SLC22A15: variants seen among roughly 807,000 people sequenced by gnomAD.
The protein encoded by SLC22A15 is solute carrier family 22 member 15.
In SLC22A15, 45 loss-of-function variants were observed where a neutral mutation model predicts 62.7. That is an observed-to-expected ratio of 0.72 (90% CI 0.56 to 0.92). The LOEUF is 0.92. Ranked by LOEUF, SLC22A15 falls within the 40% of genes least tolerant of loss-of-function variation. The probability of loss-of-function intolerance (pLI) is 0.00; values close to 1 mark genes in which losing one functional copy is unlikely to be tolerated. For missense variants in SLC22A15, 622 were observed against 665.6 expected, an observed-to-expected ratio of 0.93 and a Z score of 0.72; for synonymous variants, 264 against 267.0, an observed-to-expected ratio of 0.99 and a Z score of 0.11.
chr1:116,066,233 C>G (rs1265108014), intron 10 of SLC22A15, among the ~76,000 whole-genome samples: 2 of 152,188 alleles, frequency 1.3e-5, no homozygotes, highest in Non-Finnish European at 2.9e-5. Context: ...GGCAGCCTGG[C>G]CTCTTCTCCT....
chr1:116,049,153 G>A (rs1282793249), intron 8 of SLC22A15, among the ~76,000 whole-genome samples: 1 of 152,046 alleles, frequency 6.6e-6, no homozygotes, highest in African/African-American at 2.4e-5. Flanking sequence ...ATAATAATGG[G>A]GGACTTTCAG....
chr1:115,987,269 C>A (rs1226938049), intron 1 of SLC22A15, among the ~76,000 whole-genome samples: 3 of 151,560 alleles, frequency 2.0e-5, no homozygotes, highest in Non-Finnish European at 4.4e-5. Context: ...GGGTTCACGC[C>A]ATTCTCCTGC....
chr1:115,993,849 C>A (rs1057417244), intron 2 of SLC22A15, among the ~76,000 whole-genome samples: 15 of 152,056 alleles, frequency 9.9e-5, no homozygotes, highest in Non-Finnish European at 1.8e-4. Flanking sequence ...CCTGCTCTCA[C>A]CCCTATGGAA....
chr1:116,061,679 CTT>C (rs1658382206), intron 8 of SLC22A15, among the ~76,000 whole-genome samples: 1 of 137,208 alleles, frequency 7.3e-6, no homozygotes, highest in Admixed American at 7.1e-5. Context: ...AGAGGTTAAA[CTT>C]TTCTAAAAAA....
At chr1:116,033,719 A>G (rs1443256318) in intron 6 of SLC22A15, among the ~76,000 whole-genome samples, 1 of 152,110 alleles carries the variant, frequency 6.6e-6, no homozygotes, top group Non-Finnish European at 1.5e-5. Context: ...AGAAAACTGC[A>G]TGGATTTAAA....
At chr1:115,977,940 T>C (rs1462371326) in intron 1 of SLC22A15, among the ~76,000 whole-genome samples, 3 of 152,222 alleles carry the variant, frequency 2.0e-5, no homozygotes, top group Non-Finnish European at 2.9e-5. Flanking sequence ...GTTCTTTTTC[T>C]AGCCGAACAG....
intron 8 of SLC22A15, among the ~76,000 whole-genome samples, chr1:116,052,398 C>T (rs1202053969): frequency 6.6e-6 from 1 of 152,246 alleles, no homozygotes; most frequent in East Asian, 1.9e-4. Flanking sequence ...AGCCGGGAAG[C>T]TCGAACTGGG....
chr1:116,015,643 A>T (rs947800942), intron 2 of SLC22A15, among the ~76,000 whole-genome samples: 3 of 152,200 alleles, frequency 2.0e-5, no homozygotes, highest in Non-Finnish European at 4.4e-5. Context: ...ACAGGCCAAG[A>T]TCAGTATCTT....
At chr1:116,024,922 G>A (rs1259952709) in intron 4 of SLC22A15, among the ~76,000 whole-genome samples, 1 of 152,070 alleles carries the variant, frequency 6.6e-6, no homozygotes, top group African/African-American at 2.4e-5. Flanking sequence ...AACAGTGGGT[G>A]GGACATTCTT....
intron 8 of SLC22A15, among the ~76,000 whole-genome samples, chr1:116,049,357 G>C (rs567108261): frequency 2.6e-4 from 39 of 152,128 alleles, no homozygotes; most frequent in African/African-American, 8.4e-4. Flanking sequence ...GCCCTAAAAT[G>C]AGCCTCAATA....
At chr1:116,038,313 A>T (rs1289340571) in intron 8 of SLC22A15, among the ~76,000 whole-genome samples, 1 of 152,202 alleles carries the variant, frequency 6.6e-6, no homozygotes, top group Non-Finnish European at 1.5e-5. Flanking sequence ...ATTTTTTGTC[A>T]GAGTATATCA....
At chr1:116,009,651 G>T (rs951982242) in intron 2 of SLC22A15, among the ~76,000 whole-genome samples, 5 of 152,266 alleles carry the variant, frequency 3.3e-5, no homozygotes, top group Non-Finnish European at 7.4e-5. Flanking sequence ...TAATTTCTTA[G>T]CATTAAGTCA....
At chr1:115,994,583 A>G (rs780421516) in intron 2 of SLC22A15, among the ~76,000 whole-genome samples, 34 of 152,238 alleles carry the variant, frequency 2.2e-4, no homozygotes, top group Non-Finnish European at 4.6e-4. Context: ...AGAAATTGCG[A>G]GAATAGTACA....
At chr1:116,018,920 G>A (rs1656680827) in intron 2 of SLC22A15, among the ~76,000 whole-genome samples, 2 of 152,126 alleles carry the variant, frequency 1.3e-5, no homozygotes, top group Non-Finnish European at 2.9e-5. Flanking sequence ...CCTTCTTAAA[G>A]CTGAGTAATA....
chr1:116,029,647 A>G (rs1402291249), intron 5 of SLC22A15, among the ~76,000 whole-genome samples: 1 of 152,232 alleles, frequency 6.6e-6, no homozygotes, highest in African/African-American at 2.4e-5. Context: ...CCAGGTAGAA[A>G]TAGTTTTATT....
chr1:116,053,906 A>G (rs1205579665), intron 8 of SLC22A15, among the ~76,000 whole-genome samples: 1 of 152,036 alleles, frequency 6.6e-6, no homozygotes, highest in African/African-American at 2.4e-5. Context: ...TGAAGGAAGC[A>G]CTAAACATGG....
At chr1:116,039,705 G>A (rs933141909) in intron 8 of SLC22A15, among the ~76,000 whole-genome samples, 1 of 151,940 alleles carries the variant, frequency 6.6e-6, no homozygotes, top group Non-Finnish European at 1.5e-5. Context: ...AGAATATATG[G>A]TCACCTTTTT....
At chr1:116,064,552 T>C (rs747200060) in intron 10 of SLC22A15, 44 bp downstream of exon 10, 2 of 1,285,194 alleles carry the variant, frequency 1.6e-6, no homozygotes, top group Admixed American at 1.7e-5. Context: ...ATTCTCTGCT[T>C]TGGAAATGCT....
At chr1:116,008,430 T>C (rs76374248) in intron 2 of SLC22A15, among the ~76,000 whole-genome samples, 7,865 of 152,280 alleles carry the variant, frequency 0.052, 280 homozygotes, top group African/African-American at 0.097. Flanking sequence ...GTCCAGTGTG[T>C]AGCATTGTTA....
Sources: allele counts gnomAD v4.1 joint callset (sites outside exome capture counted in the v4.1 genomes callset), GRCh38; gene constraint gnomAD v4.1.1; transcripts MANE v1.5; gene names NCBI Gene and HGNC (gene_info 2026-07-23, HGNC 2026-07-21).